The following PIP4K2A variants were observed in gnomAD, a reference collection of about 807,000 sequenced individuals.
PIP4K2A encodes phosphatidylinositol 5-phosphate 4-kinase type-2 alpha.
PIP4K2A carries 14 observed loss-of-function variants against 42.9 expected under a neutral mutation model. The ratio of observed to expected loss-of-function variants is 0.33; its 90% CI spans 0.22 to 0.51. PIP4K2A has a LOEUF of 0.51. PIP4K2A is among the 20% of genes least tolerant of loss of function. PIP4K2A has a pLI of 0.97. For synonymous variants in PIP4K2A, 192 were observed against 192.2 expected (o/e 1.00, Z 0.01); for missense variants, 434 against 519.8 (o/e 0.83, Z 1.61).
At chr10:22,564,200 C>T (rs1588628500) in intron 6 of PIP4K2A, among the ~76,000 whole-genome samples, 1 of 152,158 alleles carries the variant, frequency 6.6e-6, no homozygotes, top group Non-Finnish European at 1.5e-5. Context: ...TTGCAGGAAC[C>T]GTTACAGATA....
intron 1 of PIP4K2A, among the ~76,000 whole-genome samples, chr10:22,676,188 G>A (rs1005863608): frequency 6.6e-6 from 1 of 152,080 alleles, no homozygotes; most frequent in African/African-American, 2.4e-5. Flanking sequence ...CCCAGTAACA[G>A]TGCTTTCATT....
intron 6 of PIP4K2A, among the ~76,000 whole-genome samples, chr10:22,566,876 T>A (rs1036804176): frequency 1.2e-4 from 18 of 152,238 alleles, no homozygotes; most frequent in African/African-American, 4.1e-4. Flanking sequence ...CATAATTTTC[T>A]ATTTGAGGTC....
At chr10:22,542,363 A>G (rs1424114614) in intron 7 of PIP4K2A, among the ~76,000 whole-genome samples, 2 of 84,088 alleles carry the variant, frequency 2.4e-5, no homozygotes, top group Non-Finnish European at 2.4e-5. Flanking sequence ...AGATGCGGAG[A>G]GAGACTGGGA....
intron 4 of PIP4K2A, among the ~76,000 whole-genome samples, chr10:22,581,565 TAAAAAAA>T (rs531477426): frequency 1.3e-5 from 1 of 78,674 alleles, no homozygotes; most frequent in Non-Finnish European, 2.2e-5. Flanking sequence ...ATCCTATCTC[TAAAAAAA>T]AAAAAAAAAA....
chr10:22,602,184 G>A (rs1837797120), intron 3 of PIP4K2A, among the ~76,000 whole-genome samples: 1 of 152,076 alleles, frequency 6.6e-6, no homozygotes, highest in Non-Finnish European at 1.5e-5. Context: ...CTTGAGCCCA[G>A]GAGTTCGAGA....
At chr10:22,562,406 A>C (rs1836733867) in intron 6 of PIP4K2A, among the ~76,000 whole-genome samples, 1 of 152,122 alleles carries the variant, frequency 6.6e-6, no homozygotes, top group African/African-American at 2.4e-5. Flanking sequence ...AAAATTAGCC[A>C]AGCGTAGTGA....
Position 22,669,373 on chromosome 10 carries a change from T to A in PIP4K2A, c.144+44810A>T, listed in dbSNP as rs115059040. On this transcript the variant is annotated intron_variant, in intron 1 of 9. Transcript: ENST00000376573. The stretch of plus-strand genomic sequence containing the variant: ...CCTAGGGTCATGTGAGTACACTCTG[T>A]AATGTTCACACAACAACGTAATCGC... 1.5e-3 allele frequency among the ~76,000 whole-genome samples: 235 copies of A among 152,282 alleles called. 1 individual carries two copies. Among genetic ancestry groups the A allele is most frequent in the African/African-American group, 5.6e-3 (231 of 41,548 alleles).
At chr10:22,680,192 A>G (rs1839632474) in intron 1 of PIP4K2A, among the ~76,000 whole-genome samples, 1 of 152,176 alleles carries the variant, frequency 6.6e-6, no homozygotes, top group Non-Finnish European at 1.5e-5. Flanking sequence ...ATCCACTTAA[A>G]TGGGCTGCTG....
intron 3 of PIP4K2A, among the ~76,000 whole-genome samples, chr10:22,603,848 T>C (rs1220919314): frequency 6.6e-6 from 1 of 152,118 alleles, no homozygotes; most frequent in Non-Finnish European, 1.5e-5. Flanking sequence ...ACGATGGATA[T>C]CATGCTGGCC....
chr10:22,629,391 A>G (rs1838505865), intron 1 of PIP4K2A, among the ~76,000 whole-genome samples: 2 of 152,210 alleles, frequency 1.3e-5, no homozygotes, highest in South Asian at 4.1e-4. Context: ...CTCGAGTCAT[A>G]CTGCAATTGG....
Position 22,536,725 on chromosome 10 carries a change from A to AAAAAAAAAAAAAAAAAAACAAAAC in PIP4K2A, c.*475_*476insGTTTTGTTTTTTTTTTTTTTTTTT, listed in dbSNP as rs1554791611. 17 of 124,182 alleles carry AAAAAAAAAAAAAAAAAAACAAAAC rather than the reference A, an allele frequency of 1.4e-4. No individual in the cohort carries two copies. Among genetic ancestry groups the AAAAAAAAAAAAAAAAAAACAAAAC allele is most frequent in the East Asian group, 5.9e-4 (2 of 3,372 alleles). 7.7% of individuals were successfully genotyped at this position (124,182 alleles called of 1,614,324 possible). ...ACATCTTTCAACTCCAAAAAAAAAA[A>AAAAAAAAAAAAAAAAAAACAAAAC]AAAAAAAAAAAAACTGATCCACAGT... On this transcript the variant is annotated 3_prime_UTR_variant, in exon 10 of 10. Coordinates refer to ENST00000376573, the MANE Select transcript of PIP4K2A (RefSeq NM_005028.5).
chr10:22,603,432 C>A (rs1837838712), intron 3 of PIP4K2A, among the ~76,000 whole-genome samples: 1 of 152,046 alleles, frequency 6.6e-6, no homozygotes, highest in African/African-American at 2.4e-5. Flanking sequence ...TGAAAATCTG[C>A]ACCCCTCTTT....
At chr10:22,593,600 G>T (rs116304800) in intron 3 of PIP4K2A, among the ~76,000 whole-genome samples, 227 of 152,334 alleles carry the variant, frequency 1.5e-3, no homozygotes, top group African/African-American at 5.0e-3. Context: ...ATTTCCCCTT[G>T]TGGGGTTTTA....
chr10:22,603,753 G>C (rs1489265625), intron 3 of PIP4K2A, among the ~76,000 whole-genome samples: 4 of 152,154 alleles, frequency 2.6e-5, no homozygotes, highest in Non-Finnish European at 5.9e-5. Flanking sequence ...GGGGGCAGTG[G>C]TAATGGTAGA....
chr10:22,659,492 T>A (rs1327361524), intron 1 of PIP4K2A: 1 of 152,206 alleles, frequency 6.6e-6, no homozygotes, highest in East Asian at 1.9e-4. Context: ...ATGAAACACT[T>A]AGGAGTAATT....
chr10:22,594,204 G>A (rs1190194676), intron 3 of PIP4K2A, among the ~76,000 whole-genome samples: 1 of 152,192 alleles, frequency 6.6e-6, no homozygotes, highest in East Asian at 1.9e-4. Context: ...AGCACGTAAA[G>A]TCTAGCGTAT....
intron 1 of PIP4K2A, among the ~76,000 whole-genome samples, chr10:22,675,703 T>TA (rs1201869807): frequency 6.6e-6 from 1 of 152,190 alleles, no homozygotes; most frequent in Non-Finnish European, 1.5e-5. Flanking sequence ...ATGGTTCCCT[T>TA]AAATGATCAA....
intron 1 of PIP4K2A, among the ~76,000 whole-genome samples, chr10:22,632,252 G>A (rs1838566021): frequency 6.6e-6 from 1 of 152,118 alleles, no homozygotes; most frequent in South Asian, 2.1e-4. Context: ...TTATTACGCA[G>A]TCATCTTGTA....
intron 6 of PIP4K2A, among the ~76,000 whole-genome samples, chr10:22,566,561 C>T (rs1318455048): frequency 6.6e-6 from 1 of 152,140 alleles, no homozygotes; most frequent in Non-Finnish European, 1.5e-5. Context: ...CCACTTCTAC[C>T]ACATCCCAGC....
Sources: allele counts gnomAD v4.1 joint callset (sites outside exome capture counted in the v4.1 genomes callset), GRCh38; gene constraint gnomAD v4.1.1; transcripts MANE v1.5; gene names NCBI Gene and HGNC (gene_info 2026-07-23, HGNC 2026-07-21).